MAGI2: variants seen among roughly 807,000 people sequenced by gnomAD.
MAGI2 encodes the protein membrane associated guanylate kinase, WW and PDZ domain containing 2, also known as membrane-associated guanylate kinase, WW and PDZ domain-containing protein 2.
In MAGI2, 35 loss-of-function variants were observed where a neutral mutation model predicts 133.3. The observed-to-expected ratio is 0.26, with a 90% confidence interval of 0.20 to 0.35. The LOEUF is 0.35. Among genes scored for constraint, MAGI2 ranks in the 10% least tolerant of loss-of-function variants. The probability of loss-of-function intolerance (pLI) is 1.00; values close to 1 mark genes in which losing one functional copy is unlikely to be tolerated. For missense variants in MAGI2, 1,636 were observed against 1,863.4 expected, an observed-to-expected ratio of 0.88 and a Z score of 2.25; for synonymous variants, 729 against 710.6, an observed-to-expected ratio of 1.03 and a Z score of -0.41.
At chr7:78,742,950 C>T (rs1250272136) in intron 2 of MAGI2, among the ~76,000 whole-genome samples, 1 of 152,184 alleles carries the variant, frequency 6.6e-6, no homozygotes, top group Admixed American at 6.5e-5. Context: ...CCTAACACAA[C>T]ATGCAGACAA....
chr7:78,402,939 C>T (rs1476979153), intron 6 of MAGI2, among the ~76,000 whole-genome samples: 1 of 152,118 alleles, frequency 6.6e-6, no homozygotes, highest in African/African-American at 2.4e-5. Flanking sequence ...TATTACTTAT[C>T]AAATTTGATT....
At chr7:78,804,625 T>C (rs1030521850) in intron 2 of MAGI2, among the ~76,000 whole-genome samples, 2 of 151,340 alleles carry the variant, frequency 1.3e-5, no homozygotes, top group Non-Finnish European at 2.9e-5. Flanking sequence ...GGCGGGCGCC[T>C]GTAGTCCCAG....
chr7:78,806,053 G>A (rs569037559), intron 2 of MAGI2, among the ~76,000 whole-genome samples: 29 of 152,242 alleles, frequency 1.9e-4, no homozygotes, highest in Admixed American at 2.6e-4. Context: ...TAACAATCAC[G>A]AATTCTTAAA....
chr7:79,377,231 T>C (rs1843442913), intron 1 of MAGI2, among the ~76,000 whole-genome samples: 1 of 151,788 alleles, frequency 6.6e-6, no homozygotes, highest in Non-Finnish European at 1.5e-5. Flanking sequence ...CACTCAACTA[T>C]TAAATTATCA....
intron 5 of MAGI2, among the ~76,000 whole-genome samples, chr7:78,494,646 C>G (rs1227152978): frequency 6.6e-6 from 1 of 151,924 alleles, no homozygotes; most frequent in Non-Finnish European, 1.5e-5. Context: ...TTCTTCTTTT[C>G]TTTCGTTCTT....
rs545868389 is a variant in MAGI2, at chr7:78,884,861, C to A, written c.418+122229G>T. ...AATAAGTGTTTCTACTAAAATGACA[C>A]CTATACATGCATGTTTATCATAGTA... On this transcript the variant is annotated intron_variant, in intron 2 of 21. Transcript: ENST00000354212. Among the ~76,000 whole-genome samples the A allele has an allele frequency of 1.4e-4, 21 of 152,264 alleles. No individual in the cohort carries two copies. The South Asian group carries it at 2.9e-3, about 21-fold the overall frequency.
At chr7:78,543,551 C>T (rs1313174508) in intron 3 of MAGI2, among the ~76,000 whole-genome samples, 3 of 152,208 alleles carry the variant, frequency 2.0e-5, no homozygotes, top group Admixed American at 6.5e-5. Flanking sequence ...TCGAATCAGA[C>T]TCTCTCCATA....
intron 1 of MAGI2, among the ~76,000 whole-genome samples, chr7:79,277,717 G>A (rs1835336366): frequency 6.6e-6 from 1 of 152,066 alleles, no homozygotes; most frequent in Non-Finnish European, 1.5e-5. Context: ...CCTCACTATA[G>A]GCCCTTGACT....
intron 2 of MAGI2, among the ~76,000 whole-genome samples, chr7:78,848,601 T>A (rs1792838624): frequency 1.3e-5 from 2 of 151,910 alleles, no homozygotes; most frequent in Admixed American, 1.3e-4. Flanking sequence ...CTTCTACTGA[T>A]CTCCTCTCCT....
chr7:79,313,961 T>A (rs1263023750), intron 1 of MAGI2, among the ~76,000 whole-genome samples: 1 of 151,406 alleles, frequency 6.6e-6, no homozygotes, highest in Non-Finnish European at 1.5e-5. Flanking sequence ...CACCACCACA[T>A]CCTGCTAATT....
chr7:78,866,235 G>A (rs758590900), intron 2 of MAGI2, among the ~76,000 whole-genome samples: 26 of 152,122 alleles, frequency 1.7e-4, no homozygotes, highest in Non-Finnish European at 3.2e-4. Context: ...AGAGTTGATT[G>A]ATATACCATT....
intron 1 of MAGI2, among the ~76,000 whole-genome samples, chr7:79,032,353 C>G (rs1007113840): frequency 6.6e-6 from 1 of 151,854 alleles, no homozygotes; most frequent in Non-Finnish European, 1.5e-5. Flanking sequence ...CCCGTCTCTA[C>G]TAAAAATATA....
At chr7:78,767,445 T>C (rs1408383750) in intron 2 of MAGI2, among the ~76,000 whole-genome samples, 1 of 152,134 alleles carries the variant, frequency 6.6e-6, no homozygotes, top group Non-Finnish European at 1.5e-5. Flanking sequence ...GAGCAAAAGC[T>C]GATTGCAGAC....
intron 2 of MAGI2, among the ~76,000 whole-genome samples, chr7:78,786,063 C>T (rs551985745): frequency 6.6e-6 from 1 of 152,036 alleles, no homozygotes; most frequent in African/African-American, 2.4e-5. Flanking sequence ...GGTAATCAAC[C>T]AGGATTATCA....
chr7:79,295,094 A>G (rs1195802910), intron 1 of MAGI2, among the ~76,000 whole-genome samples: 2 of 152,102 alleles, frequency 1.3e-5, no homozygotes, highest in African/African-American at 2.4e-5. Flanking sequence ...GAGAATAAAT[A>G]TATCTTTTCT....
chr7:79,100,563 A>G (rs960582854), intron 1 of MAGI2, among the ~76,000 whole-genome samples: 19 of 151,510 alleles, frequency 1.3e-4, no homozygotes, highest in African/African-American at 4.1e-4. Context: ...ACTTTTTAAA[A>G]CCTTAAAATT....
intron 1 of MAGI2, among the ~76,000 whole-genome samples, chr7:79,077,723 TTTCA>T (rs1452553806): frequency 6.6e-6 from 1 of 151,962 alleles, no homozygotes; most frequent in Non-Finnish European, 1.5e-5. Flanking sequence ...GTAGCCTTGT[TTTCA>T]TTATTATTTT....
intron 3 of MAGI2, among the ~76,000 whole-genome samples, chr7:78,584,262 A>G (rs1448455492): frequency 6.6e-6 from 1 of 151,996 alleles, no homozygotes; most frequent in Non-Finnish European, 1.5e-5. Flanking sequence ...TCTACTAAAA[A>G]TACAAAAAGT....
chr7:79,213,677 A>C (rs1452934364), intron 1 of MAGI2, among the ~76,000 whole-genome samples: 1 of 152,016 alleles, frequency 6.6e-6, no homozygotes, highest in African/African-American at 2.4e-5. Flanking sequence ...GTGTATATTG[A>C]TTTTCTGAAA....
Sources: allele counts gnomAD v4.1 joint callset (sites outside exome capture counted in the v4.1 genomes callset), GRCh38; gene constraint gnomAD v4.1.1; transcripts MANE v1.5; gene names NCBI Gene and HGNC (gene_info 2026-07-23, HGNC 2026-07-21).